STX16: variants seen among roughly 807,000 people sequenced by gnomAD.
STX16 encodes syntaxin 16, also known as syntaxin-16.
In STX16, 28 loss-of-function variants were observed where a neutral mutation model predicts 42.7. That is an observed-to-expected ratio of 0.66 (90% CI 0.49 to 0.90). The LOEUF (loss-of-function observed/expected upper bound fraction) is 0.90, where lower values mean the gene tolerates loss of function less well. Ranked by LOEUF, STX16 falls within the 40% of genes least tolerant of loss-of-function variation. STX16 has a pLI of 0.00. For missense variants in STX16, 361 were observed against 420.9 expected, an observed-to-expected ratio of 0.86 and a Z score of 1.24; for synonymous variants, 156 against 155.2, an observed-to-expected ratio of 1.00 and a Z score of -0.04.
rs1161383838 is a variant in STX16, at chr20:58,669,359, G to C, written c.462G>C (p.Glu154Asp). The change falls in exon 5 of 9, where the codon GAG becomes GAC. Residue 154 changes from glutamate to aspartate, a missense_variant. Transcript: ENST00000371141. ...GGGCCCGGGCCTGCTCCGAGCAGGA[G>C]GGGCGGCTGCTTGGGAACGTGGTGG... ...PSRARACSEQ[E>D]GRLLGNVVAS... 1 of 1,611,846 alleles carries C rather than the reference G, an allele frequency of 6.2e-7. No homozygotes were observed. Among genetic ancestry groups the C allele is most frequent in the Non-Finnish European group, 8.5e-7 (1 of 1,179,188 alleles).
intron 7 of STX16, among the ~76,000 whole-genome samples, chr20:58,672,291 C>T (rs2083998802): frequency 6.6e-6 from 1 of 151,984 alleles, no homozygotes; most frequent in African/African-American, 2.4e-5. Context: ...GAGATTGCAC[C>T]ATTGCACTCC....
chr20:58,672,920 G>A (rs1052403134), intron 7 of STX16, among the ~76,000 whole-genome samples: 1 of 152,184 alleles, frequency 6.6e-6, no homozygotes, highest in Non-Finnish European at 1.5e-5. Context: ...CTGCAGAATG[G>A]AGTGTTCAGG....
chr20:58,668,158 C>T (rs1361437238), intron 4 of STX16, 31 bp downstream of exon 4: 1 of 1,612,188 alleles, frequency 6.2e-7, no homozygotes, highest in Admixed American at 1.7e-5. Context: ...CTGGGGAAAC[C>T]AGCGAGCCTT....
intron 1 of STX16, among the ~76,000 whole-genome samples, chr20:58,658,748 CAGA>C (rs2083633132): frequency 6.6e-6 from 1 of 152,096 alleles, no homozygotes; most frequent in Non-Finnish European, 1.5e-5. Flanking sequence ...AATGTCTGTC[CAGA>C]AGATAGAGTT....
chr20:58,671,442 GT>G (rs2083971635), intron 7 of STX16, 145 bp downstream of exon 7: 5 of 391,098 alleles, frequency 1.3e-5, no homozygotes, highest in South Asian at 1.7e-4. Context: ...GTGTGGGTGT[GT>G]GTGTGTGTGT....
intron 1 of STX16, chr20:58,652,373 C>CCG (rs1555838380): frequency 4.0e-6 from 2 of 493,976 alleles, no homozygotes; most frequent in African/African-American, 2.6e-5. Context: ...TCCGCAGCAC[C>CCG]CCCCCCCCCG....
chr20:58,672,509 T>C (rs1038932364), intron 7 of STX16, among the ~76,000 whole-genome samples: 2 of 151,832 alleles, frequency 1.3e-5, no homozygotes, highest in Non-Finnish European at 2.9e-5. Flanking sequence ...AAAAAAAAAA[T>C]CCCAAATCCA....
At chr20:58,656,436 A>G (rs375273966) in intron 1 of STX16, among the ~76,000 whole-genome samples, 23 of 152,266 alleles carry the variant, frequency 1.5e-4, no homozygotes, top group African/African-American at 5.5e-4. Context: ...ACTGAAATGG[A>G]TTTATGAAGC....
At chr20:58,654,124 T>C (rs796181474) in intron 1 of STX16, among the ~76,000 whole-genome samples, 11 of 152,280 alleles carry the variant, frequency 7.2e-5, no homozygotes, top group African/African-American at 2.4e-4. Context: ...CAACTAAAAA[T>C]ACATTTCTAA....
In STX16 at chr20:58,676,321, G is replaced by A. The variant is rs756252395; in HGVS notation, c.*30G>A. ...CATTGGGTTTTCGTGTGTGCCGCGC[G>A]TGTGGATCTCCCGGGTGTGAGGGGC... On this transcript the variant is annotated 3_prime_UTR_variant, in exon 9 of 9. Coordinates refer to ENST00000371141, the MANE Select transcript of STX16 (RefSeq NM_001001433.3). 8.2e-6 allele frequency: 13 copies of A among 1,586,674 alleles called. No individual in the cohort carries two copies. The highest frequency in any genetic ancestry group is 6.7e-5 in the Admixed American group (4 of 59,998).
chr20:58,661,539 G>A (rs1393827802), intron 2 of STX16, among the ~76,000 whole-genome samples: 2 of 152,250 alleles, frequency 1.3e-5, no homozygotes, highest in African/African-American at 4.8e-5. Flanking sequence ...TTCCTTGTGC[G>A]TTTCACTTGC....
chr20:58,651,903 T>C lies in STX16; in HGVS notation c.-104T>C, dbSNP rs2122875107. The C allele has an allele frequency of 7.6e-7, 1 of 1,314,704 alleles. No individual in the cohort carries two copies. The highest frequency in any genetic ancestry group is 2.3e-5 in the East Asian group (1 of 43,044). 81.4% of individuals were successfully genotyped at this position (1,314,704 alleles called of 1,614,324 possible). On this transcript the variant is annotated 5_prime_UTR_variant, in exon 1 of 9. Transcript: ENST00000371141. The stretch of plus-strand genomic sequence containing the variant: ...GAGGCCTGAGGCCTTGTCGAGAAGC[T>C]TCCGTGAAAGGGTGGGCCAGCCGGG...
At chr20:58,661,919 C>T (rs1345823745) in intron 2 of STX16, among the ~76,000 whole-genome samples, 4 of 152,214 alleles carry the variant, frequency 2.6e-5, no homozygotes, top group South Asian at 2.1e-4. Flanking sequence ...AGGCATCTGA[C>T]GGCCTCACTT....
In STX16 at chr20:58,657,569, T is replaced by C. The variant is rs1355633254; in HGVS notation, c.133-2054T>C. ...TAAATTCCACATGCTACTTGGAGTT[T>C]TCAGTGTTTGCTTGATTGCATGCCA... On this transcript the variant is annotated intron_variant, in intron 1 of 8. Transcript: ENST00000371141. The surrounding 1 kb of genome is among the most constrained non-coding windows in gnomAD (Gnocchi z 4.2). Among the ~76,000 whole-genome samples, 1 of 152,224 alleles carries C rather than the reference T, an allele frequency of 6.6e-6. No individual in the cohort carries two copies. Among genetic ancestry groups the C allele is most frequent in the African/African-American group, 2.4e-5 (1 of 41,460 alleles).
At chr20:58,652,842 AAATT>A (rs2083501244) in intron 1 of STX16, among the ~76,000 whole-genome samples, 1 of 152,116 alleles carries the variant, frequency 6.6e-6, no homozygotes, top group African/African-American at 2.4e-5. Flanking sequence ...GTATATGTGA[AAATT>A]AACCCCGTAA....
intron 1 of STX16, among the ~76,000 whole-genome samples, chr20:58,655,231 C>T (rs1353432240): frequency 6.6e-6 from 1 of 152,092 alleles, no homozygotes; most frequent in South Asian, 2.1e-4. Flanking sequence ...ATTTTGACAT[C>T]TTATTTCAGG....
Position 58,668,017 on chromosome 20 carries a change from A to G in STX16, c.283A>G (p.Lys95Glu). Residue 95 changes from lysine to glutamate, a missense_variant, in exon 4 of 9, where the codon AAG (lysine) becomes GAG (glutamate). Coordinates refer to ENST00000371141, the MANE Select transcript of STX16 (RefSeq NM_001001433.3). ...GTATGATGTTGGCCGGATTAAGCAGAAGATGAAAGAATTGGCCAGCCTTCA... is the reference window on the plus strand; with the variant it reads ...GTATGATGTTGGCCGGATTAAGCAGGAGATGAAAGAATTGGCCAGCCTTCA... ...IQYDVGRIKQ[K>E]MKELASLHDK... 1.2e-6 allele frequency: 2 copies of G among 1,614,244 alleles called. No individual in the cohort carries two copies. The highest frequency in any genetic ancestry group is 1.7e-6 in the Non-Finnish European group (2 of 1,180,048).
intron 3 of STX16, 31 bp downstream of exon 3, chr20:58,667,628 G>T (rs1318430847): frequency 6.4e-7 from 1 of 1,556,434 alleles, no homozygotes; most frequent in African/African-American, 1.4e-5. Context: ...ATAGCATCTT[G>T]TTTTTTTAAG....
intron 2 of STX16, among the ~76,000 whole-genome samples, chr20:58,661,181 G>A (rs2083690447): frequency 6.6e-6 from 1 of 152,198 alleles, no homozygotes; most frequent in Admixed American, 6.5e-5. Context: ...AGGATGCGAG[G>A]GAGGGTAACA....
Sources: gnomAD v4.1 joint callset for allele counts (sites outside exome capture counted in the v4.1 genomes callset) on GRCh38, gnomAD v4.1.1 for gene constraint, Gnocchi (gnomAD v3.1) non-coding constraint, MANE v1.5 for transcripts, NCBI Gene and HGNC (gene_info 2026-07-23, HGNC 2026-07-21) for gene names.